Variants in COG5 observed in about 807,000 individuals in gnomAD.
The protein encoded by COG5 is component of oligomeric golgi complex 5, also known as conserved oligomeric Golgi complex subunit 5.
Under a neutral mutation model 110.4 loss-of-function variants are expected in COG5, and 86 were observed. The ratio of observed to expected loss-of-function variants is 0.78; its 90% confidence interval spans 0.65 to 0.93. The LOEUF (loss-of-function observed/expected upper bound fraction) is 0.93, where lower values mean the gene tolerates loss of function less well. Among genes scored for constraint, COG5 ranks in the 40% least tolerant of loss-of-function variants. COG5 has a pLI of 0.00. For missense variants in COG5, 1,077 were observed against 987.0 expected (o/e 1.09, Z -1.22); for synonymous variants, 360 against 334.6 (o/e 1.08, Z -0.83).
At chr7:107,378,139 C>T (rs1814787050) in intron 7 of COG5, among the ~76,000 whole-genome samples, 1 of 152,260 alleles carries the variant, frequency 6.6e-6, no homozygotes, top group South Asian at 2.1e-4. Flanking sequence ...GGGTCTGGAG[C>T]GGACCTCCAG....
At chr7:107,219,510 A>C (rs1799755062) in intron 19 of COG5, among the ~76,000 whole-genome samples, 1 of 152,234 alleles carries the variant, frequency 6.6e-6, no homozygotes, top group Admixed American at 6.5e-5. Flanking sequence ...GCCTTCAAAA[A>C]GAAGCAAATC....
intron 7 of COG5, among the ~76,000 whole-genome samples, chr7:107,391,012 GTC>G (rs958052823): frequency 8.5e-5 from 13 of 152,150 alleles, no homozygotes; most frequent in Admixed American, 2.6e-4. Context: ...ATGTAAAGGG[GTC>G]TATCTAAAAA....
rs372677312 is a variant in COG5, at chr7:107,380,472, A to T, written c.670-7712T>A. 4.4e-4 allele frequency among the ~76,000 whole-genome samples: 67 copies of T among 152,330 alleles called. 1 individual carries two copies. The highest frequency in any genetic ancestry group is 1.5e-3 in the African/African-American group (63 of 41,588). ...TCAATTAGACACAATAAAAAATGAT[A>T]AAGGGGAGATCACCACTGATCCCAC... On this transcript the variant is annotated intron_variant, in intron 7 of 21. Coordinates refer to ENST00000297135, the MANE Select transcript of COG5 (RefSeq NM_006348.5).
rs1385267182 is a variant in COG5 at position 107,294,934 on chromosome 7, C to T, written c.1313+3208G>A. On this transcript the variant is annotated intron_variant, in intron 12 of 21. Transcript: ENST00000297135. ...GTGTGTGTGTGTGTGTATATATACACACACACACACACACACATATATATA... is the reference window on the plus strand; with the variant it reads ...GTGTGTGTGTGTGTGTATATATACATACACACACACACACACATATATATA... Among the ~76,000 whole-genome samples, 48 of 110,100 alleles carry T rather than the reference C, an allele frequency of 4.4e-4. 1 individual carries two copies. Among genetic ancestry groups the T allele is most frequent in the African/African-American group, 1.2e-3 (37 of 31,054 alleles). The allele number at this position is 110,100 out of a possible 152,430, so 72.2% of individuals were successfully genotyped here.
At chr7:107,329,495 T>C (rs1257010728) in intron 10 of COG5, among the ~76,000 whole-genome samples, 1 of 152,146 alleles carries the variant, frequency 6.6e-6, no homozygotes, top group African/African-American at 2.4e-5. Context: ...TATACACATA[T>C]ATAATAGTAT....
chr7:107,557,836 ATTTACT>A, intron 2 of COG5, 134 bp downstream of exon 2: 1 of 1,169,824 alleles, frequency 8.5e-7, no homozygotes, highest in Non-Finnish European at 1.2e-6. Context: ...AATTTCAAAA[ATTTACT>A]TTGAAAAATA....
chr7:107,560,754 T>C (rs1422641214), intron 1 of COG5, among the ~76,000 whole-genome samples: 2 of 152,312 alleles, frequency 1.3e-5, no homozygotes, highest in East Asian at 3.9e-4. Flanking sequence ...ATTATAGAAC[T>C]AGCACTGCTT....
At chr7:107,328,483 C>A (rs1240428720) in intron 10 of COG5, among the ~76,000 whole-genome samples, 2 of 152,066 alleles carry the variant, frequency 1.3e-5, no homozygotes, top group East Asian at 1.9e-4. Context: ...TATGAATGAA[C>A]CTTGAAGATG....
chr7:107,307,631 T>G (rs1807842606), intron 11 of COG5, among the ~76,000 whole-genome samples: 1 of 152,096 alleles, frequency 6.6e-6, no homozygotes, highest in African/African-American at 2.4e-5. Flanking sequence ...CCACAGGAGG[T>G]CATTATTCTA....
chr7:107,342,293 G>C (rs557232691), intron 10 of COG5, among the ~76,000 whole-genome samples: 1 of 133,480 alleles, frequency 7.5e-6, no homozygotes, highest in Non-Finnish European at 1.6e-5. Flanking sequence ...GATCATTAGA[G>C]AAATGCAAAT....
chr7:107,262,414 C>G (rs545648255), intron 14 of COG5, among the ~76,000 whole-genome samples: 1 of 152,298 alleles, frequency 6.6e-6, no homozygotes, highest in African/African-American at 2.4e-5. Context: ...TGTGGAGATA[C>G]TGGCTTTAAA....
chr7:107,248,382 T>C lies in COG5; in HGVS notation c.1853+14A>G. The C allele has an allele frequency of 6.5e-7, 1 of 1,533,362 alleles. No individual in the cohort carries two copies. The highest frequency in any genetic ancestry group is 9.0e-7 in the Non-Finnish European group (1 of 1,106,734). 95.0% of individuals were successfully genotyped at this position (1,533,362 alleles called of 1,614,324 possible). Reference sequence around the variant, plus strand: ...GCAGTAAAAGTTAGTAAAAATTTGGTTAGAAGTAATTACCCAGAAAAGTCT... The same window carrying C: ...GCAGTAAAAGTTAGTAAAAATTTGGCTAGAAGTAATTACCCAGAAAAGTCT... On this transcript the variant is annotated intron_variant, in intron 17 of 21. Transcript: ENST00000297135.
At chr7:107,448,085 G>A (rs1795119010) in intron 6 of COG5, among the ~76,000 whole-genome samples, 1 of 152,288 alleles carries the variant, frequency 6.6e-6, no homozygotes, top group Non-Finnish European at 1.5e-5. Flanking sequence ...GAACTCGGGA[G>A]GTGGAGGTTG....
At chr7:107,494,568 A>T (rs1032729789) in intron 6 of COG5, among the ~76,000 whole-genome samples, 9 of 152,182 alleles carry the variant, frequency 5.9e-5, no homozygotes, top group African/African-American at 2.4e-5. Flanking sequence ...CATCAATAGG[A>T]TATACCATAT....
At chr7:107,539,577 T>C (rs552461535) in intron 5 of COG5, among the ~76,000 whole-genome samples, 4 of 152,150 alleles carry the variant, frequency 2.6e-5, no homozygotes, top group Admixed American at 1.3e-4. Context: ...CTAATGGGCA[T>C]AGAGTTTCTT....
intron 14 of COG5, among the ~76,000 whole-genome samples, chr7:107,264,518 C>T (rs906974526): frequency 4.6e-5 from 7 of 151,970 alleles, no homozygotes; most frequent in Non-Finnish European, 8.8e-5. Flanking sequence ...ATGGCAAAAC[C>T]CCATCTCTAC....
intron 15 of COG5, 30 bp downstream of exon 15, chr7:107,258,243 A>C (rs760353049): frequency 1.5e-6 from 2 of 1,342,806 alleles, no homozygotes; most frequent in Non-Finnish European, 2.1e-6. Flanking sequence ...ATTTAAAATT[A>C]AGTAAAAAAA....
At chr7:107,288,905 G>GAT (rs1805879297) in intron 12 of COG5, among the ~76,000 whole-genome samples, 1 of 67,266 alleles carries the variant, frequency 1.5e-5, no homozygotes, top group African/African-American at 4.8e-5. Context: ...TTTTCTAACA[G>GAT]AGATATATAT....
At chr7:107,316,768 C>T (rs1389710398) in intron 11 of COG5, among the ~76,000 whole-genome samples, 1 of 116,920 alleles carries the variant, frequency 8.6e-6, no homozygotes, top group Non-Finnish European at 1.8e-5. Flanking sequence ...GGAGGCGGAG[C>T]TTGCAGTCAA....
Sources: allele counts gnomAD v4.1 joint callset (sites outside exome capture counted in the v4.1 genomes callset), GRCh38; gene constraint gnomAD v4.1.1; transcripts MANE v1.5; gene names NCBI Gene and HGNC (gene_info 2026-07-23, HGNC 2026-07-21).